Variants in GNB5 observed in about 807,000 individuals in gnomAD.
The protein encoded by GNB5 is G protein subunit beta 5, also known as guanine nucleotide-binding protein subunit beta-5.
In GNB5, 37 loss-of-function variants were observed where a neutral mutation model predicts 55.3. That is an observed-to-expected ratio of 0.67 (90% CI 0.51 to 0.88). The LOEUF is 0.88. Among genes scored for constraint, GNB5 ranks in the 40% least tolerant of loss-of-function variants. The probability of loss-of-function intolerance (pLI) is 0.00; values close to 1 mark genes in which losing one functional copy is unlikely to be tolerated. For missense variants in GNB5, 476 were observed against 515.3 expected (o/e 0.92, Z 0.74); for synonymous variants, 219 against 198.5 (o/e 1.10, Z -0.87).
Position 52,150,351 on chromosome 15 carries a change from C to G in GNB5, c.376-426G>C, listed in dbSNP as rs140254349. On this transcript the variant is annotated intron_variant, in intron 4 of 12. Transcript: ENST00000261837. ...AAATCTTTTTCTCCCACAACATCTCCACTGCTTTGTCCTTTCCCCGATTTG... is the reference window on the plus strand; with the variant it reads ...AAATCTTTTTCTCCCACAACATCTCGACTGCTTTGTCCTTTCCCCGATTTG... 2.4e-3 allele frequency among the ~76,000 whole-genome samples: 369 copies of G among 152,304 alleles called. 2 individuals carry two copies. The highest frequency in any genetic ancestry group is 8.6e-3 in the African/African-American group (358 of 41,564).
At chr15:52,177,214 T>C (rs1430269473) in intron 3 of GNB5, among the ~76,000 whole-genome samples, 1 of 151,636 alleles carries the variant, frequency 6.6e-6, no homozygotes, top group African/African-American at 2.4e-5. Context: ...TTTGTATTTT[T>C]AGTAGAGACG....
intron 6 of GNB5, among the ~76,000 whole-genome samples, chr15:52,142,866 C>T (rs145911225): frequency 4.0e-4 from 60 of 150,018 alleles, no homozygotes; most frequent in African/African-American, 1.4e-3. Context: ...ATACAATGTG[C>T]GGAGGAGGCT....
At chr15:52,141,047 T>G (rs1031507331) in intron 7 of GNB5, 93 bp downstream of exon 7, 1 of 1,037,846 alleles carries the variant, frequency 9.6e-7, no homozygotes, top group African/African-American at 1.6e-5. Context: ...CACAGCCATC[T>G]TGTTCAGAGA....
intron 3 of GNB5, among the ~76,000 whole-genome samples, chr15:52,159,411 T>C (rs1011518353): frequency 7.2e-5 from 11 of 152,312 alleles, no homozygotes; most frequent in African/African-American, 2.6e-4. Flanking sequence ...CGCTTCTTTG[T>C]GGTCCCTCCA....
rs1305603151 is a variant in GNB5 at position 52,172,118 on chromosome 15, G to A, written c.238+7650C>T. On this transcript the variant is annotated intron_variant, in intron 3 of 12. Transcript: ENST00000261837. Reference sequence around the variant, plus strand: ...GTTAAAGACTCTTTAGAGTTGAATTGTTTTCCCCTTTCTCTTTTTATTTTT... The same window carrying A: ...GTTAAAGACTCTTTAGAGTTGAATTATTTTCCCCTTTCTCTTTTTATTTTT... Among the ~76,000 whole-genome samples the A allele has an allele frequency of 2.0e-5, 3 of 152,158 alleles. No individual in the cohort carries two copies. In the East Asian group the frequency reaches 5.8e-4, roughly 29 times the overall value.
At chr15:52,165,025 G>C (rs1156401242) in intron 3 of GNB5, among the ~76,000 whole-genome samples, 1 of 152,216 alleles carries the variant, frequency 6.6e-6, no homozygotes, top group Admixed American at 6.5e-5. Flanking sequence ...TAAATGACCT[G>C]ATGGGGCTGA....
intron 3 of GNB5, 120 bp from the exon 4 acceptor site, chr15:52,154,196 A>C: frequency 1.3e-6 from 1 of 796,490 alleles, no homozygotes; most frequent in Non-Finnish European, 1.9e-6. Context: ...CCTCCATAAC[A>C]AGCCACAGCT....
chr15:52,180,133 C>G, intron 2 of GNB5: 1 of 302,904 alleles, frequency 3.3e-6, no homozygotes. Flanking sequence ...GGGAGTGTGA[C>G]GCCCATTTTA....
rs2033998855 is a variant in GNB5 at position 52,147,371 on chromosome 15, T to C, written c.494+88A>G. ...TGCTAAACAATTAAACAACAAAAAC[T>C]GTGAGTTCTTGTTTGTTTGTTTTTG... is the stretch of plus-strand genomic sequence containing the variant. On this transcript the variant is annotated intron_variant, in intron 6 of 12. Coordinates refer to ENST00000261837, the MANE Select transcript of GNB5 (RefSeq NM_016194.4). 9 of 808,908 alleles carry C rather than the reference T, an allele frequency of 1.1e-5. 2 individuals are homozygous for C. Among genetic ancestry groups the C allele is most frequent in the African/African-American group, 8.4e-5 (5 of 59,578 alleles). 50.1% of individuals were successfully genotyped at this position (808,908 alleles called of 1,614,324 possible). A position where few individuals can be genotyped will look rare whatever the true frequency, so the allele number is the denominator to read the frequency against.
At chr15:52,179,098 G>C (rs1376491808) in intron 3 of GNB5, among the ~76,000 whole-genome samples, 1 of 152,190 alleles carries the variant, frequency 6.6e-6, no homozygotes, top group Non-Finnish European at 1.5e-5. Context: ...GGTGGTGGTG[G>C]TGAAGAATGC....
chr15:52,160,361 C>A (rs1385587625), intron 3 of GNB5, among the ~76,000 whole-genome samples: 1 of 152,152 alleles, frequency 6.6e-6, no homozygotes, highest in Non-Finnish European at 1.5e-5. Context: ...AATTAAAGTG[C>A]CTAACAGGCA....
intron 3 of GNB5, among the ~76,000 whole-genome samples, chr15:52,175,389 G>C (rs866657093): frequency 6.6e-6 from 1 of 152,162 alleles, no homozygotes; most frequent in African/African-American, 2.4e-5. Flanking sequence ...AGGTCATCAC[G>C]AAGCAGGGGC....
chr15:52,185,883 A>AT, intron 1 of GNB5, among the ~76,000 whole-genome samples: 1 of 151,682 alleles, frequency 6.6e-6, no homozygotes, highest in Non-Finnish European at 1.5e-5. Context: ...GGTTTAAGCG[A>AT]TTTTCCTGCC....
At chr15:52,174,899 T>C (rs910673641) in intron 3 of GNB5, among the ~76,000 whole-genome samples, 2 of 151,994 alleles carry the variant, frequency 1.3e-5, no homozygotes, top group Admixed American at 6.5e-5. Context: ...TTGGCCAACA[T>C]AGCAAAACCC....
chr15:52,189,185 G>A lies in GNB5; in HGVS notation c.-19+2137C>T, dbSNP rs770385985. On this transcript the variant is annotated intron_variant, in intron 1 of 12. Transcript: ENST00000261837. ...GGTGGGAAGGTAAAGTGGGGTAGCC[G>A]TTTTCCAATGGTGCAGCTGTGGAAA... Among the ~76,000 whole-genome samples the A allele has an allele frequency of 1.3e-4, 20 of 152,302 alleles. 1 individual carries two copies. The East Asian group carries it at 1.9e-3, about 15-fold the overall frequency.
chr15:52,169,970 T>G (rs2034527544), intron 3 of GNB5, among the ~76,000 whole-genome samples: 1 of 152,146 alleles, frequency 6.6e-6, no homozygotes, highest in African/African-American at 2.4e-5. Flanking sequence ...AAGCTCAATA[T>G]CACTGATCAT....
intron 6 of GNB5, among the ~76,000 whole-genome samples, chr15:52,143,328 G>A (rs1048480809): frequency 6.6e-6 from 1 of 152,126 alleles, no homozygotes; most frequent in East Asian, 1.9e-4. Context: ...AGGGTTATTC[G>A]CATTGCTATG....
At chr15:52,161,355 T>C (rs1235557794) in intron 3 of GNB5, among the ~76,000 whole-genome samples, 2 of 152,220 alleles carry the variant, frequency 1.3e-5, no homozygotes, top group Non-Finnish European at 2.9e-5. Context: ...TGGAGTGCAG[T>C]GGCGTGATCT....
intron 3 of GNB5, among the ~76,000 whole-genome samples, chr15:52,164,763 A>C (rs1455182960): frequency 6.6e-6 from 1 of 152,198 alleles, no homozygotes; most frequent in Non-Finnish European, 1.5e-5. Flanking sequence ...AGAAAGAATC[A>C]ACACAAAAAC....
Sources: gnomAD v4.1 joint callset for allele counts (sites outside exome capture counted in the v4.1 genomes callset) on GRCh38, gnomAD v4.1.1 for gene constraint, MANE v1.5 for transcripts, NCBI Gene and HGNC (gene_info 2026-07-23, HGNC 2026-07-21) for gene names.